Variants in SPOCK3 observed in about 807,000 individuals in gnomAD.
The protein encoded by SPOCK3 is testican-3.
A neutral mutation model predicts 56.6 loss-of-function variants in SPOCK3; 30 were observed. The ratio of observed to expected loss-of-function variants is 0.53; its 90% CI spans 0.40 to 0.72. The LOEUF (loss-of-function observed/expected upper bound fraction) is 0.72, where lower values mean the gene tolerates loss of function less well. Among genes scored for constraint, SPOCK3 ranks in the 30% least tolerant of loss-of-function variants. SPOCK3 has a pLI of 0.00. For synonymous variants in SPOCK3, 196 were observed against 183.3 expected, an observed-to-expected ratio of 1.07 and a Z score of -0.56; for missense variants, 527 against 530.0, an observed-to-expected ratio of 0.99 and a Z score of 0.06.
At chr4:167,182,993 A>G (rs1048359166) in intron 2 of SPOCK3, among the ~76,000 whole-genome samples, 1 of 152,084 alleles carries the variant, frequency 6.6e-6, no homozygotes, top group African/African-American at 2.4e-5. Context: ...TGAAGGCAGA[A>G]ATGGCAGTGT....
At chr4:167,085,529 G>C (rs984151410) in intron 2 of SPOCK3, among the ~76,000 whole-genome samples, 1 of 152,106 alleles carries the variant, frequency 6.6e-6, no homozygotes, top group East Asian at 1.9e-4. Context: ...TTCAATGGGA[G>C]GTAATTTTTC....
At chr4:166,837,011 A>T (rs1444938025) in intron 6 of SPOCK3, among the ~76,000 whole-genome samples, 1 of 152,216 alleles carries the variant, frequency 6.6e-6, no homozygotes, top group Non-Finnish European at 1.5e-5. Context: ...TCCCATTGCA[A>T]GACCTCATTG....
chr4:167,205,334 TTATATATTATATATATAATATATATATTA>T (rs1734031989), intron 2 of SPOCK3, among the ~76,000 whole-genome samples: 1 of 45,768 alleles, frequency 2.2e-5, no homozygotes, highest in African/African-American at 1.0e-4. Context: ...ATAATATATA[TTATATATTATATATATAATATATATATTA>T]TATATTTTAT....
At chr4:166,929,979 TA>T (rs1739552255) in intron 4 of SPOCK3, among the ~76,000 whole-genome samples, 1 of 152,186 alleles carries the variant, frequency 6.6e-6, no homozygotes, top group South Asian at 2.1e-4. Flanking sequence ...AAATAATGTT[TA>T]AAAAATGACA....
At chr4:166,804,354 G>A (rs1437082557) in intron 6 of SPOCK3, among the ~76,000 whole-genome samples, 1 of 152,060 alleles carries the variant, frequency 6.6e-6, no homozygotes, top group Non-Finnish European at 1.5e-5. Flanking sequence ...AATCAGATTG[G>A]ATTAGGACCC....
At chr4:167,057,802 G>C (rs184122990) in intron 3 of SPOCK3, among the ~76,000 whole-genome samples, 2 of 151,958 alleles carry the variant, frequency 1.3e-5, no homozygotes, top group African/African-American at 4.8e-5. Context: ...CCTGAGTGAC[G>C]TACAAAGAGA....
At chr4:166,800,369 CT>C (rs1011854191) in intron 6 of SPOCK3, among the ~76,000 whole-genome samples, 2 of 151,836 alleles carry the variant, frequency 1.3e-5, no homozygotes, top group African/African-American at 4.8e-5. Flanking sequence ...CAAGAAAAGC[CT>C]TGGTCAGATC....
chr4:166,790,903 T>C lies in SPOCK3; in HGVS notation c.709+1267A>G, dbSNP rs200575191. The stretch of plus-strand genomic sequence containing the variant: ...AATATGTAAGGGTATGGAAGAAACC[T>C]TCTCCCCACTCCAGACATCTTTTCT... On this transcript the variant is annotated intron_variant, in intron 7 of 10. Coordinates refer to ENST00000357545, the MANE Select transcript of SPOCK3 (RefSeq NM_001040159.2). Among the ~76,000 whole-genome samples, 7 of 152,294 alleles carry C rather than the reference T, an allele frequency of 4.6e-5. No homozygotes were observed. The East Asian group carries it at 1.2e-3, about 25-fold the overall frequency.
At chr4:166,801,028 A>G (rs1279320150) in intron 6 of SPOCK3, among the ~76,000 whole-genome samples, 4 of 152,190 alleles carry the variant, frequency 2.6e-5, no homozygotes, top group African/African-American at 9.7e-5. Flanking sequence ...TTGTGTTACA[A>G]TTGCCTACAA....
At chr4:166,824,440 T>C (rs1745248509) in intron 6 of SPOCK3, among the ~76,000 whole-genome samples, 1 of 152,102 alleles carries the variant, frequency 6.6e-6, no homozygotes, top group South Asian at 2.1e-4. Context: ...CTCTCTAGTA[T>C]GATAATATCT....
At chr4:166,737,991 T>C (rs900680126) in intron 9 of SPOCK3, among the ~76,000 whole-genome samples, 1 of 152,210 alleles carries the variant, frequency 6.6e-6, no homozygotes, top group Non-Finnish European at 1.5e-5. Context: ...CCATCTGCCT[T>C]CATCGCTGCC....
intron 4 of SPOCK3, among the ~76,000 whole-genome samples, chr4:166,927,037 T>C (rs1579674886): frequency 1.3e-5 from 2 of 152,286 alleles, no homozygotes; most frequent in Admixed American, 1.3e-4. Context: ...TCCACATATA[T>C]ATATTTCAAA....
chr4:166,984,178 T>A (rs1332929051), intron 4 of SPOCK3, among the ~76,000 whole-genome samples: 2 of 152,088 alleles, frequency 1.3e-5, no homozygotes, highest in African/African-American at 4.8e-5. Flanking sequence ...CAAATGCACT[T>A]AAATTCTTTT....
At chr4:166,752,664 A>G (rs1391649301) in intron 8 of SPOCK3, among the ~76,000 whole-genome samples, 1 of 151,848 alleles carries the variant, frequency 6.6e-6, no homozygotes, top group Non-Finnish European at 1.5e-5. Flanking sequence ...ATTCTTTTAT[A>G]AGCTGGAATA....
chr4:166,799,812 G>C (rs80107018), intron 6 of SPOCK3, among the ~76,000 whole-genome samples: 3,269 of 152,088 alleles, frequency 0.021, 126 homozygotes, highest in African/African-American at 0.075. Flanking sequence ...GAAAAAAGAA[G>C]AGGAACCCCC....
intron 3 of SPOCK3, among the ~76,000 whole-genome samples, chr4:167,033,518 T>C (rs947832044): frequency 6.6e-6 from 1 of 151,714 alleles, no homozygotes; most frequent in Admixed American, 6.6e-5. Flanking sequence ...TATCTGAAGA[T>C]AGGAAAGTGA....
At chr4:166,915,530 A>G (rs1737752081) in intron 4 of SPOCK3, among the ~76,000 whole-genome samples, 1 of 152,192 alleles carries the variant, frequency 6.6e-6, no homozygotes, top group East Asian at 1.9e-4. Context: ...TTATATATAC[A>G]CGGAAATCAT....
intron 6 of SPOCK3, among the ~76,000 whole-genome samples, chr4:166,805,600 A>C (rs1421581416): frequency 6.6e-6 from 1 of 152,132 alleles, no homozygotes; most frequent in African/African-American, 2.4e-5. Flanking sequence ...ATATTTAATC[A>C]GATGAATTCC....
chr4:167,141,130 T>C (rs1298459284), intron 2 of SPOCK3, among the ~76,000 whole-genome samples: 1 of 151,972 alleles, frequency 6.6e-6, no homozygotes, highest in Non-Finnish European at 1.5e-5. Flanking sequence ...TAAGTCCTGA[T>C]CAGCTAACAG....
Sources: gnomAD v4.1 joint callset for allele counts (sites outside exome capture counted in the v4.1 genomes callset) on GRCh38, gnomAD v4.1.1 for gene constraint, MANE v1.5 for transcripts, NCBI Gene and HGNC (gene_info 2026-07-23, HGNC 2026-07-21) for gene names.